Variants in FMO1 observed in about 807,000 individuals in gnomAD.
FMO1 encodes flavin-containing monooxygenase 1.
FMO1 carries 36 observed loss-of-function variants against 45.4 expected under a neutral mutation model. The ratio of observed to expected loss-of-function variants is 0.79; its 90% CI spans 0.61 to 1.05. The LOEUF (loss-of-function observed/expected upper bound fraction) is 1.05. FMO1 is among the 50% of genes least tolerant of loss of function. FMO1 has a pLI of 0.00. For synonymous variants in FMO1, 228 were observed against 227.2 expected (o/e 1.00, Z -0.03); for missense variants, 615 against 640.3 (o/e 0.96, Z 0.43).
intron 1 of FMO1, among the ~76,000 whole-genome samples, chr1:171,252,841 G>C (rs1257224991): frequency 6.6e-6 from 1 of 152,104 alleles, no homozygotes; most frequent in African/African-American, 2.4e-5. Context: ...TGCCTACCAC[G>C]GTCTGGGGCT....
At chr1:171,263,338 G>A (rs1043862437) in intron 2 of FMO1, among the ~76,000 whole-genome samples, 2 of 152,196 alleles carry the variant, frequency 1.3e-5, no homozygotes, top group African/African-American at 4.8e-5. Flanking sequence ...GAAACTGAGA[G>A]AAGTTAAGAA....
chr1:171,250,744 TG>T (rs1408283364), intron 1 of FMO1, among the ~76,000 whole-genome samples: 2 of 152,218 alleles, frequency 1.3e-5, no homozygotes, highest in Non-Finnish European at 2.9e-5. Flanking sequence ...TTTCACCCAT[TG>T]GCATCTACCT....
chr1:171,262,416 C>G (rs964904829), intron 2 of FMO1, among the ~76,000 whole-genome samples: 2 of 152,210 alleles, frequency 1.3e-5, no homozygotes, highest in Admixed American at 6.5e-5. Flanking sequence ...CCTTCACCTC[C>G]CTGTAACATT....
At chr1:171,265,276 A>G (rs927646201) in intron 2 of FMO1, among the ~76,000 whole-genome samples, 3 of 152,006 alleles carry the variant, frequency 2.0e-5, no homozygotes, top group Non-Finnish European at 4.4e-5. Flanking sequence ...CTGTAGTCCC[A>G]GCTACTCGGG....
intron 3 of FMO1, chr1:171,271,172 C>G (rs1208263311): frequency 5.8e-6 from 5 of 859,434 alleles, no homozygotes; most frequent in African/African-American, 1.7e-5. Flanking sequence ...GGCTGCTTGT[C>G]TTCTGCAGCA....
chr1:171,283,424 A>T (rs1426839370), intron 8 of FMO1, among the ~76,000 whole-genome samples: 3 of 151,982 alleles, frequency 2.0e-5, no homozygotes, highest in Admixed American at 6.6e-5. Context: ...GGGAAAGGGG[A>T]ATTTAGAATT....
At chr1:171,258,270 G>C in intron 2 of FMO1, 51 bp downstream of exon 2, 1 of 1,594,328 alleles carries the variant, frequency 6.3e-7, no homozygotes, top group Non-Finnish European at 8.6e-7. Context: ...TGGCTTGGCA[G>C]CTGGGAAATT....
At chr1:171,261,413 C>T (rs868658976) in intron 2 of FMO1, among the ~76,000 whole-genome samples, 1 of 152,106 alleles carries the variant, frequency 6.6e-6, no homozygotes, top group South Asian at 2.1e-4. Flanking sequence ...AAAACCCTGC[C>T]CTGGCAATGG....
intron 2 of FMO1, among the ~76,000 whole-genome samples, chr1:171,261,303 C>T (rs1344049858): frequency 7.1e-6 from 1 of 140,034 alleles, no homozygotes; most frequent in African/African-American, 3.0e-5. Flanking sequence ...CCTTTCCCTC[C>T]TTCCCCAACA....
chr1:171,257,386 C>A (rs183374580), intron 1 of FMO1, among the ~76,000 whole-genome samples: 2 of 152,194 alleles, frequency 1.3e-5, no homozygotes, highest in Non-Finnish European at 2.9e-5. Flanking sequence ...AATCAGTATC[C>A]AATTGAGAAG....
At position 171,275,899 on chromosome 1, in the gene FMO1, T is replaced by TA. The variant is rs567050487; in HGVS notation, c.484+391_484+392insA. On this transcript the variant is annotated intron_variant, in intron 4 of 8. Coordinates refer to ENST00000617670, the MANE Select transcript of FMO1 (RefSeq NM_001282693.2). ...TTTAGAGGCCACAAAAGTCAATCTG[T>TA]GAAAAAAGAAAAAAGTAATTTTTTC... 4.2e-4 allele frequency among the ~76,000 whole-genome samples: 64 copies of TA among 152,216 alleles called. 2 individuals carry two copies. In the East Asian group the frequency reaches 0.01, roughly 24 times the overall value.
chr1:171,282,355 G>T (rs1355512113), intron 7 of FMO1, 22 bp downstream of exon 7: 3 of 1,528,808 alleles, frequency 2.0e-6, no homozygotes, highest in African/African-American at 2.8e-5. Flanking sequence ...AAATAGCAGG[G>T]CATGTGTTTT....
intron 2 of FMO1, among the ~76,000 whole-genome samples, chr1:171,264,161 C>T (rs959283576): frequency 6.6e-6 from 1 of 152,014 alleles, no homozygotes; most frequent in African/African-American, 2.4e-5. Flanking sequence ...TATCTTCCTA[C>T]GTTTTGAGAA....
chr1:171,279,656 C>G (rs376984227), intron 5 of FMO1, among the ~76,000 whole-genome samples: 27 of 152,296 alleles, frequency 1.8e-4, no homozygotes, highest in East Asian at 1.4e-3. Flanking sequence ...AACAAGCCAT[C>G]TAGACCCCAA....
intron 6 of FMO1, among the ~76,000 whole-genome samples, chr1:171,281,205 C>T (rs193269471): frequency 3.0e-4 from 45 of 152,234 alleles, no homozygotes; most frequent in African/African-American, 9.9e-4. Flanking sequence ...TTATAATAAT[C>T]CTTTTATTAT....
At chr1:171,258,866 A>G (rs1230461956) in intron 2 of FMO1, among the ~76,000 whole-genome samples, 1 of 152,100 alleles carries the variant, frequency 6.6e-6, no homozygotes, top group East Asian at 1.9e-4. Flanking sequence ...AGGACCGAGG[A>G]AAGGGGACTA....
intron 3 of FMO1, among the ~76,000 whole-genome samples, chr1:171,270,228 T>C (rs900981684): frequency 6.6e-6 from 1 of 152,242 alleles, no homozygotes; most frequent in Non-Finnish European, 1.5e-5. Context: ...TTTGAGTAGA[T>C]TGATTACTCT....
Position 171,285,356 on chromosome 1 carries a change from T to C in FMO1, c.1411T>C (p.Tyr471His). 1.2e-6 allele frequency: 2 copies of C among 1,613,972 alleles called. No individual in the cohort carries two copies. Among genetic ancestry groups the C allele is most frequent in the Non-Finnish European group, 1.7e-6 (2 of 1,179,926 alleles). Residue 471 changes from tyrosine to histidine, a missense_variant, in exon 9 of 9, where the codon TAC becomes CAC. By Grantham distance (83) the Tyr-to-His change is moderately conservative. Transcript: ENST00000617670. ...LTVFFGPCSP[Y>H]QFRLTGPGKW... is the part of the protein sequence containing the mutation. ...CGTCTTCTTTGGCCCATGCTCACCA[T>C]ACCAGTTCCGCTTGACTGGCCCAGG...
intron 1 of FMO1, among the ~76,000 whole-genome samples, chr1:171,249,688 T>A (rs945060117): frequency 1.8e-5 from 2 of 108,596 alleles, no homozygotes; most frequent in African/African-American, 7.0e-5. Context: ...GGTGTAGGAG[T>A]GTGTGTGTGT....
Sources: allele counts gnomAD v4.1 joint callset (sites outside exome capture counted in the v4.1 genomes callset), GRCh38; gene constraint gnomAD v4.1.1; transcripts MANE v1.5; gene names NCBI Gene and HGNC (gene_info 2026-07-23, HGNC 2026-07-21).